Variants in CREBBP observed in about 807,000 individuals in gnomAD.
CREBBP encodes CREB binding lysine acetyltransferase.
Under a neutral mutation model 265.0 loss-of-function variants are expected in CREBBP, and 19 were observed. The ratio of observed to expected loss-of-function variants is 0.07; its 90% CI spans 0.05 to 0.11. The LOEUF is 0.11. Ranked by LOEUF, CREBBP falls within the 10% of genes least tolerant of loss-of-function variation. CREBBP has a pLI of 1.00. For synonymous variants in CREBBP, 1,457 were observed against 1,223.7 expected, an observed-to-expected ratio of 1.19 and a Z score of -3.98; for missense variants, 2,525 against 3,219.0, an observed-to-expected ratio of 0.78 and a Z score of 5.22.
intron 19 of CREBBP, among the ~76,000 whole-genome samples, chr16:3,756,970 ATAAC>A (rs921710975): frequency 1.2e-4 from 19 of 152,338 alleles, no homozygotes; most frequent in African/African-American, 3.6e-4. Context: ...AGTACGCTTT[ATAAC>A]TAACTAAGAG....
intron 1 of CREBBP, among the ~76,000 whole-genome samples, chr16:3,865,451 G>C (rs886434699): frequency 5.3e-5 from 8 of 152,122 alleles, no homozygotes; most frequent in African/African-American, 1.7e-4. Flanking sequence ...GAAGAAAAAG[G>C]CAGGAAGGGG....
At chr16:3,815,238 A>G (rs1223641348) in intron 2 of CREBBP, among the ~76,000 whole-genome samples, 62 of 152,136 alleles carry the variant, frequency 4.1e-4, no homozygotes, top group East Asian at 1.9e-4. Context: ...TAAACGTCCC[A>G]ACAGGTACTT....
intron 2 of CREBBP, among the ~76,000 whole-genome samples, chr16:3,812,359 A>G (rs2053955209): frequency 6.6e-6 from 1 of 151,756 alleles, no homozygotes; most frequent in South Asian, 2.1e-4. Flanking sequence ...TTGTATTTTT[A>G]GTAGAGACAA....
intron 21 of CREBBP, among the ~76,000 whole-genome samples, chr16:3,747,393 G>A (rs892826589): frequency 6.6e-6 from 1 of 152,222 alleles, no homozygotes; most frequent in African/African-American, 2.4e-5. Flanking sequence ...TGAGCAACCT[G>A]TGTTCTTTCA....
intron 9 of CREBBP, 89 bp downstream of exon 9, chr16:3,778,611 T>A: frequency 9.0e-7 from 1 of 1,111,730 alleles, no homozygotes; most frequent in Non-Finnish European, 1.4e-6. Flanking sequence ...CTACATAGAT[T>A]CCACTATTTC....
At chr16:3,737,977 A>G (rs1309322396) in intron 26 of CREBBP, among the ~76,000 whole-genome samples, 10 of 151,772 alleles carry the variant, frequency 6.6e-5, no homozygotes, top group Non-Finnish European at 1.3e-4. Context: ...TAGTAGAGAC[A>G]GGGTTTCACC....
intron 5 of CREBBP, chr16:3,784,600 C>A (rs940524556): frequency 1.3e-5 from 2 of 152,200 alleles, no homozygotes; most frequent in African/African-American, 2.4e-5. Context: ...TACAACCTTG[C>A]GCTGTAAGGA....
intron 17 of CREBBP, among the ~76,000 whole-genome samples, chr16:3,758,390 C>T (rs2151384865): frequency 6.6e-6 from 1 of 152,256 alleles, no homozygotes; most frequent in East Asian, 1.9e-4. Flanking sequence ...GTGTGTATTT[C>T]TAGATATTCA....
intron 3 of CREBBP, among the ~76,000 whole-genome samples, chr16:3,798,776 T>C (rs961132272): frequency 2.0e-5 from 3 of 152,364 alleles, no homozygotes; most frequent in African/African-American, 4.8e-5. Flanking sequence ...AGTCTGGCAA[T>C]TCCTCAAAAG....
rs2051778498 is a variant in CREBBP at position 3,727,567 on chromosome 16, T to C, written c.*151A>G. On this transcript the variant is annotated 3_prime_UTR_variant, in exon 31 of 31. Transcript: ENST00000262367. Reference sequence around the variant, plus strand: ...TCAACTGGTTTTTAACAAAAAAATATATTCTTTGTATTGTTTCTTTAAACA... The same window carrying C: ...TCAACTGGTTTTTAACAAAAAAATACATTCTTTGTATTGTTTCTTTAAACA... 1 of 1,100,882 alleles carries C rather than the reference T, an allele frequency of 9.1e-7. No individual in the cohort carries two copies. The highest frequency in any genetic ancestry group is 1.2e-6 in the Non-Finnish European group (1 of 856,410). The allele number at this position is 1,100,882 out of a possible 1,614,324, so 68.2% of individuals were successfully genotyped here. A position where few individuals can be genotyped will look rare whatever the true frequency, so the allele number is the denominator to read the frequency against.
At chr16:3,779,164 A>C (rs1416966284) in intron 8 of CREBBP, among the ~76,000 whole-genome samples, 10 of 150,004 alleles carry the variant, frequency 6.7e-5, no homozygotes, top group Non-Finnish European at 1.5e-4. Flanking sequence ...CAGACTCCAT[A>C]CCAAAAAAAG....
chr16:3,866,574 C>G (rs9921310), intron 1 of CREBBP, among the ~76,000 whole-genome samples: 1,874 of 152,066 alleles, frequency 0.012, 47 homozygotes, highest in African/African-American at 0.043. Context: ...CATATATACC[C>G]CCAAAATGTT....
At chr16:3,790,366 CTTTTTTTTT>C (rs57582399) in intron 5 of CREBBP, among the ~76,000 whole-genome samples, 3 of 66,588 alleles carry the variant, frequency 4.5e-5, no homozygotes, top group East Asian at 4.1e-4. Context: ...AGGAAACTGG[CTTTTTTTTT>C]TTTTTTTTTT....
chr16:3,868,494 A>G (rs1478420501), intron 1 of CREBBP, among the ~76,000 whole-genome samples: 1 of 151,984 alleles, frequency 6.6e-6, no homozygotes, highest in African/African-American at 2.4e-5. Flanking sequence ...AGCTCCCCCA[A>G]TCACTCTGGA....
intron 3 of CREBBP, among the ~76,000 whole-genome samples, chr16:3,809,915 C>G (rs2053902822): frequency 6.6e-6 from 1 of 152,050 alleles, no homozygotes. Flanking sequence ...CACCCACCAC[C>G]AAGAGCACAC....
chr16:3,763,095 C>T (rs1163706280), intron 16 of CREBBP, among the ~76,000 whole-genome samples: 2 of 151,980 alleles, frequency 1.3e-5, no homozygotes, highest in African/African-American at 2.4e-5. Flanking sequence ...ATTTTAGGTG[C>T]TCAAGTTATA....
intron 2 of CREBBP, among the ~76,000 whole-genome samples, chr16:3,815,750 G>C (rs557656963): frequency 6.6e-6 from 1 of 151,738 alleles, no homozygotes; most frequent in Non-Finnish European, 1.5e-5. Context: ...ATCACACCCA[G>C]GTTAAATGGG....
chr16:3,785,870 G>A (rs1001907344), intron 5 of CREBBP, among the ~76,000 whole-genome samples: 6 of 152,114 alleles, frequency 3.9e-5, no homozygotes, highest in African/African-American at 1.4e-4. Context: ...GTTCTTCTGG[G>A]CCCATCAGGC....
intron 3 of CREBBP, among the ~76,000 whole-genome samples, chr16:3,808,410 G>A (rs1305092593): frequency 6.6e-6 from 1 of 152,202 alleles, no homozygotes; most frequent in Admixed American, 6.5e-5. Flanking sequence ...GTAGGGCCAG[G>A]GATGCTGCCC....
Sources: gnomAD v4.1 joint callset for allele counts (sites outside exome capture counted in the v4.1 genomes callset) on GRCh38, gnomAD v4.1.1 for gene constraint, MANE v1.5 for transcripts, NCBI Gene and HGNC (gene_info 2026-07-23, HGNC 2026-07-21) for gene names.